The following GLIS3 variants were observed in gnomAD, a reference collection of about 807,000 sequenced individuals.
GLIS3 encodes zinc finger protein GLIS3.
Under a neutral mutation model 78.6 loss-of-function variants are expected in GLIS3, and 53 were observed. That is an observed-to-expected ratio of 0.67 (90% CI 0.54 to 0.85). GLIS3 has a LOEUF of 0.85. Ranked by LOEUF, GLIS3 falls within the 40% of genes least tolerant of loss-of-function variation. The pLI is 0.00. For missense variants in GLIS3, 1,703 were observed against 1,231.1 expected (o/e 1.38, Z -5.74); for synonymous variants, 684 against 509.9 (o/e 1.34, Z -4.60).
At position 4,117,874 on chromosome 9, in the gene GLIS3, G is replaced by C. The variant is rs769835396; in HGVS notation, c.1604C>G (p.Thr535Ser). ...TCGAGGGCAACCGGCCCAGAAGCAA[G>C]TGAAGTCCTCCCCTTTGCGCTGGTC... ...HIDQRKGEDFTCFWAGCPRRY... is the reference protein window; with the variant it reads ...HIDQRKGEDFSCFWAGCPRRY... The change falls in exon 4 of 11, where the codon ACT becomes AGT. Residue 535 changes from threonine (T) to serine (S), a missense_variant. Transcript: ENST00000381971. 2.7e-5 allele frequency: 44 copies of C among 1,614,026 alleles called. No individual in the cohort carries two copies. The highest frequency in any genetic ancestry group is 3.7e-5 in the Non-Finnish European group (44 of 1,180,036).
At chr9:3,928,922 C>T (rs1825430635) in intron 6 of GLIS3, among the ~76,000 whole-genome samples, 1 of 152,140 alleles carries the variant, frequency 6.6e-6, no homozygotes, top group Admixed American at 6.5e-5. Flanking sequence ...AAGTCCATTT[C>T]GATATCAGTC....
chr9:4,064,258 T>C (rs1049990491), intron 4 of GLIS3, among the ~76,000 whole-genome samples: 4 of 152,112 alleles, frequency 2.6e-5, no homozygotes, highest in African/African-American at 7.2e-5. Flanking sequence ...GGAATAAAGA[T>C]AGGTGAAGAA....
rs754101625 is a variant in GLIS3 at position 4,118,146 on chromosome 9, G to T, written c.1332C>A (p.Pro444=). 2.6e-6 allele frequency: 4 copies of T among 1,555,276 alleles called. No homozygotes were observed. In the East Asian group the frequency reaches 6.8e-5, roughly 26 times the overall value. The part of the protein sequence containing the change: ...EEFPGSTVDL[P]PAPPLPPLPP... Reference sequence around the variant, plus strand: ...GCAGAGGAGGGAGCGGAGGCGCGGGGGGTAGGTCTACGGTGCTGCCCGGGA... The same window carrying T: ...GCAGAGGAGGGAGCGGAGGCGCGGGTGGTAGGTCTACGGTGCTGCCCGGGA... Residue 444 remains proline, a synonymous_variant, in exon 4 of 11, where the codon CCC becomes CCA. Coordinates refer to ENST00000381971, the MANE Select transcript of GLIS3 (RefSeq NM_001042413.2). The surrounding 1 kb of genome is among the most constrained non-coding windows in gnomAD (Gnocchi z 4.7).
chr9:4,472,680 A>C, the GLIS3 span, among the ~76,000 whole-genome samples: 13 of 152,128 alleles, frequency 8.5e-5, no homozygotes, highest in Non-Finnish European at 1.6e-4. Context: ...TGGGTGCAGC[A>C]CACCAACATG....
chr9:4,111,435 A>C (rs934024583), intron 4 of GLIS3, among the ~76,000 whole-genome samples: 3 of 152,362 alleles, frequency 2.0e-5, no homozygotes, highest in African/African-American at 7.2e-5. Context: ...GACAAAGTTC[A>C]TGAAAGGTCA....
the GLIS3 span, among the ~76,000 whole-genome samples, chr9:4,485,420 C>A: frequency 6.6e-6 from 1 of 152,092 alleles, no homozygotes; most frequent in African/African-American, 2.4e-5. Flanking sequence ...CCCCAGAGAC[C>A]GACTCTGCAT....
chr9:4,224,537 T>C (rs1026916409), intron 2 of GLIS3, among the ~76,000 whole-genome samples: 1 of 152,092 alleles, frequency 6.6e-6, no homozygotes, highest in Non-Finnish European at 1.5e-5. Flanking sequence ...GACACTAAGA[T>C]TCTACACAGC....
intron 2 of GLIS3, among the ~76,000 whole-genome samples, chr9:4,221,939 T>C (rs939030281): frequency 6.6e-6 from 1 of 152,174 alleles, no homozygotes; most frequent in East Asian, 1.9e-4. Context: ...CTGGGCTCCA[T>C]CCTATGTACA....
At chr9:4,298,813 G>C (rs546735107) in intron 1 of GLIS3, among the ~76,000 whole-genome samples, 2 of 152,170 alleles carry the variant, frequency 1.3e-5, no homozygotes, top group African/African-American at 4.8e-5. Flanking sequence ...CCCGCGAGGA[G>C]TGTAGGTACC....
intron 2 of GLIS3, among the ~76,000 whole-genome samples, chr9:4,183,999 A>AT (rs1241593151): frequency 6.6e-6 from 1 of 152,182 alleles, no homozygotes; most frequent in Non-Finnish European, 1.5e-5. Context: ...AATGCATTTT[A>AT]TTTTTATTTC....
chr9:4,369,188 A>G, the GLIS3 span, among the ~76,000 whole-genome samples: 1 of 152,092 alleles, frequency 6.6e-6, no homozygotes, highest in Non-Finnish European at 1.5e-5. Flanking sequence ...CTCCCATTTT[A>G]ATAATGTCTG....
intron 4 of GLIS3, among the ~76,000 whole-genome samples, chr9:4,008,909 TA>T: frequency 6.6e-6 from 1 of 152,144 alleles, no homozygotes; most frequent in Non-Finnish European, 1.5e-5. Flanking sequence ...GAGTCAGAAG[TA>T]AAATTCAGGT....
upstream of GLIS3, among the ~76,000 whole-genome samples, chr9:4,301,163 AGAAGC>A (rs1414733388): frequency 1.3e-5 from 2 of 152,218 alleles, no homozygotes; most frequent in Non-Finnish European, 2.9e-5. Flanking sequence ...CATAACCAAA[AGAAGC>A]CTGGTTTCCA....
At chr9:4,254,091 G>C (rs775467209) in intron 2 of GLIS3, among the ~76,000 whole-genome samples, 24 of 152,194 alleles carry the variant, frequency 1.6e-4, no homozygotes, top group Non-Finnish European at 2.9e-4. Context: ...AATGATGACT[G>C]GTTAACCAGA....
chr9:3,985,697 T>C (rs574085641), intron 4 of GLIS3, among the ~76,000 whole-genome samples: 5 of 152,352 alleles, frequency 3.3e-5, no homozygotes, highest in Admixed American at 1.3e-4. Context: ...TAAAAAATTT[T>C]AGCAAAGGAA....
Position 3,834,439 on chromosome 9 carries a change from C to A in GLIS3, c.2474-4947G>T, listed in dbSNP as rs191620041. Among the ~76,000 whole-genome samples, 5 of 152,284 alleles carry A rather than the reference C, an allele frequency of 3.3e-5. No individual in the cohort carries two copies. The East Asian group carries it at 9.6e-4, about 29-fold the overall frequency. On this transcript the variant is annotated intron_variant, in intron 9 of 10. Transcript: ENST00000381971. ...ATGTGGTTATTACATCTTTGAAATG[C>A]GGCTAGTGTGACTGAAGAACTGACT...
At chr9:4,463,152 G>T in the GLIS3 span, among the ~76,000 whole-genome samples, 4 of 152,182 alleles carry the variant, frequency 2.6e-5, no homozygotes, top group Non-Finnish European at 5.9e-5. Context: ...CAGTGAATAT[G>T]TTGGTTGTCA....
At chr9:3,961,137 A>G (rs1817520079) in intron 4 of GLIS3, among the ~76,000 whole-genome samples, 1 of 152,230 alleles carries the variant, frequency 6.6e-6, no homozygotes, top group Non-Finnish European at 1.5e-5. Flanking sequence ...CTCTGACAGC[A>G]GCACAAGGAT....
At chr9:4,295,355 A>C (rs1816385925) in intron 1 of GLIS3, among the ~76,000 whole-genome samples, 1 of 152,186 alleles carries the variant, frequency 6.6e-6, no homozygotes. Flanking sequence ...ATCAGAATAT[A>C]AATATGGCTT....
Sources: allele counts gnomAD v4.1 joint callset (sites outside exome capture counted in the v4.1 genomes callset), GRCh38; gene constraint gnomAD v4.1.1; non-coding constraint Gnocchi (gnomAD v3.1); transcripts MANE v1.5; gene names NCBI Gene and HGNC (gene_info 2026-07-23, HGNC 2026-07-21).